Variants in EPN2 observed in about 807,000 individuals in gnomAD.
The protein encoded by EPN2 is epsin 2.
EPN2 carries 34 observed loss-of-function variants against 61.7 expected under a neutral mutation model. The ratio of observed to expected loss-of-function variants is 0.55; its 90% CI spans 0.42 to 0.73. The LOEUF (loss-of-function observed/expected upper bound fraction) is 0.73. EPN2 is among the 30% of genes least tolerant of loss of function. The probability of loss-of-function intolerance (pLI) is 0.00; values close to 1 mark genes in which losing one functional copy is unlikely to be tolerated. For missense variants in EPN2, 714 were observed against 839.2 expected, an observed-to-expected ratio of 0.85 and a Z score of 1.84; for synonymous variants, 349 against 353.6, an observed-to-expected ratio of 0.99 and a Z score of 0.15.
intron 5 of EPN2, 85 bp downstream of exon 5, chr17:19,310,082 C>T (rs1010915918): frequency 2.2e-6 from 2 of 919,450 alleles, no homozygotes; most frequent in Non-Finnish European, 1.7e-6. Flanking sequence ...ATGGCAGACA[C>T]AGCCCTGTCT....
intron 7 of EPN2, among the ~76,000 whole-genome samples, chr17:19,327,711 C>T (rs986009498): frequency 6.6e-6 from 1 of 152,070 alleles, no homozygotes; most frequent in South Asian, 2.1e-4. Context: ...GACACACATA[C>T]ATATACATAA....
intron 6 of EPN2, 72 bp from the exon 7 acceptor site, chr17:19,313,033 T>G: frequency 6.6e-7 from 1 of 1,505,680 alleles, no homozygotes; most frequent in Middle Eastern, 1.7e-4. Flanking sequence ...GGGTGATATT[T>G]ATGGCTAGTT....
At chr17:19,293,674 T>G (rs9325966) in intron 4 of EPN2, among the ~76,000 whole-genome samples, 1 of 151,792 alleles carries the variant, frequency 6.6e-6, no homozygotes. Flanking sequence ...ATTACAGGCA[T>G]GCAGGCACAA....
chr17:19,249,384 C>A (rs2044988129), intron 1 of EPN2: 1 of 152,166 alleles, frequency 6.6e-6, no homozygotes, highest in Non-Finnish European at 1.5e-5. Flanking sequence ...GATGGATGTT[C>A]CCTCCTCTAC....
Position 19,283,275 on chromosome 17 carries a change from C to G in EPN2, c.156C>G (p.Ala52=). The change falls in exon 3 of 11, where the codon GCC becomes GCG. Residue 52 remains alanine (A), a synonymous_variant. Transcript: ENST00000314728. This position sits in a 1 kb window ranked among gnomAD's most constrained non-coding sequence, Gnocchi z 7.0. ...EIADLTYNVV[A]FSEIMSMVWK... The stretch of plus-strand genomic sequence containing the variant: ...CCGACCTGACCTACAACGTGGTGGC[C>G]TTCTCGGAGATCATGAGCATGGTGT... The G allele has an allele frequency of 6.2e-7, 1 of 1,614,148 alleles. No homozygotes were observed. Among genetic ancestry groups the G allele is most frequent in the Non-Finnish European group, 8.5e-7 (1 of 1,180,038 alleles).
intron 4 of EPN2, chr17:19,308,389 A>G (rs982262809): frequency 1.0e-6 from 1 of 985,446 alleles, no homozygotes; most frequent in South Asian, 4.7e-5. Flanking sequence ...AGAACATTTT[A>G]AAATGACCCG....
chr17:19,279,258 C>G (rs2045337541), intron 1 of EPN2, among the ~76,000 whole-genome samples: 1 of 152,096 alleles, frequency 6.6e-6, no homozygotes, highest in Admixed American at 6.5e-5. Flanking sequence ...ACAGGAATCA[C>G]TGCCTTTTCT....
chr17:19,325,219 A>T (rs1393041198), intron 7 of EPN2, among the ~76,000 whole-genome samples: 21 of 152,236 alleles, frequency 1.4e-4, no homozygotes, highest in East Asian at 3.8e-4. Context: ...GAGAACAGGA[A>T]AATAAAGAAT....
At chr17:19,309,057 C>T (rs190894102) in intron 4 of EPN2, among the ~76,000 whole-genome samples, 26 of 151,648 alleles carry the variant, frequency 1.7e-4, no homozygotes, top group Admixed American at 9.9e-4. Flanking sequence ...GCTTACAGAA[C>T]GAAAATGTTT....
chr17:19,286,076 T>G (rs946078798), intron 4 of EPN2, among the ~76,000 whole-genome samples: 5 of 152,200 alleles, frequency 3.3e-5, no homozygotes, highest in African/African-American at 4.8e-5. Context: ...CTCCCCATGC[T>G]CCCATTCCCT....
intron 7 of EPN2, among the ~76,000 whole-genome samples, chr17:19,319,385 C>T (rs1313598370): frequency 2.0e-5 from 3 of 151,148 alleles, no homozygotes; most frequent in East Asian, 2.0e-4. Context: ...AGTGCAGTGG[C>T]GCAATCTCGG....
chr17:19,318,324 C>T (rs895589199), intron 7 of EPN2, among the ~76,000 whole-genome samples: 5 of 150,906 alleles, frequency 3.3e-5, no homozygotes, highest in East Asian at 2.0e-4. Context: ...CTGAGGTGGG[C>T]GGATCACGAG....
chr17:19,243,324 T>A (rs2044906313), intron 1 of EPN2, among the ~76,000 whole-genome samples: 1 of 151,086 alleles, frequency 6.6e-6, no homozygotes, highest in Non-Finnish European at 1.5e-5. Context: ...TTAAAGCGAT[T>A]TTTCTGCCTC....
intron 10 of EPN2, among the ~76,000 whole-genome samples, chr17:19,333,337 ACT>A (rs1907247998): frequency 6.6e-6 from 1 of 151,440 alleles, no homozygotes; most frequent in Non-Finnish European, 1.5e-5. Context: ...GGTTTGGGCA[ACT>A]CTGCTGGACA....
chr17:19,256,063 G>A (rs529654965), intron 1 of EPN2, among the ~76,000 whole-genome samples: 42 of 151,868 alleles, frequency 2.8e-4, no homozygotes, highest in African/African-American at 1.0e-3. Context: ...TCAGCCTCCC[G>A]AGTAGCTGGG....
intron 8 of EPN2, 142 bp downstream of exon 8, chr17:19,329,029 C>T (rs1907037883): frequency 1.4e-6 from 1 of 709,298 alleles, no homozygotes. Context: ...TTCCTGATCC[C>T]CAGATCCCAG....
intron 1 of EPN2, among the ~76,000 whole-genome samples, chr17:19,246,971 C>T (rs564464343): frequency 2.0e-5 from 3 of 152,096 alleles, no homozygotes; most frequent in East Asian, 3.9e-4. Flanking sequence ...GGGGTTTCAC[C>T]GTGTTAGCCA....
At chr17:19,238,568 C>A (rs1016044322) in intron 1 of EPN2, among the ~76,000 whole-genome samples, 1 of 152,136 alleles carries the variant, frequency 6.6e-6, no homozygotes, top group African/African-American at 2.4e-5. Context: ...AGGGCTTAAC[C>A]ATCATTAGGG....
intron 10 of EPN2, among the ~76,000 whole-genome samples, chr17:19,332,450 A>G (rs1451641898): frequency 5.9e-5 from 9 of 151,978 alleles, no homozygotes; most frequent in African/African-American, 2.2e-4. Context: ...CTCGGGAAAA[A>G]TGTAACTTAG....
Sources: gnomAD v4.1 joint callset for allele counts (sites outside exome capture counted in the v4.1 genomes callset) on GRCh38, gnomAD v4.1.1 for gene constraint, Gnocchi (gnomAD v3.1) non-coding constraint, MANE v1.5 for transcripts, NCBI Gene and HGNC (gene_info 2026-07-23, HGNC 2026-07-21) for gene names.